The following DLGAP1 variants were observed in gnomAD, a reference collection of about 807,000 sequenced individuals.
The protein encoded by DLGAP1 is DLG associated protein 1.
A neutral mutation model predicts 90.8 loss-of-function variants in DLGAP1; 11 were observed. That is an observed-to-expected ratio of 0.12 (90% CI 0.08 to 0.20). DLGAP1 has a LOEUF of 0.20. Among genes scored for constraint, DLGAP1 ranks in the 10% least tolerant of loss-of-function variants. The probability of loss-of-function intolerance (pLI) is 1.00; values close to 1 mark genes in which losing one functional copy is unlikely to be tolerated. For synonymous variants in DLGAP1, 558 were observed against 540.7 expected (o/e 1.03, Z -0.44); for missense variants, 1,050 against 1,333.8 (o/e 0.79, Z 3.31).
intron 2 of DLGAP1, among the ~76,000 whole-genome samples, chr18:4,087,137 T>A (rs2075698552): frequency 6.7e-6 from 1 of 148,756 alleles, no homozygotes; most frequent in Admixed American, 6.7e-5. Context: ...TTCTGAGACA[T>A]ATATATATCT....
chr18:3,886,272 A>T (rs920125151), intron 3 of DLGAP1, among the ~76,000 whole-genome samples: 1 of 152,114 alleles, frequency 6.6e-6, no homozygotes, highest in African/African-American at 2.4e-5. Flanking sequence ...TGTCCTAAAA[A>T]TTTCTTTTTT....
chr18:4,406,048 G>A (rs563662993), intron 1 of DLGAP1, among the ~76,000 whole-genome samples: 4 of 152,270 alleles, frequency 2.6e-5, no homozygotes, highest in East Asian at 3.9e-4. Context: ...CTTGGTTTAC[G>A]CCCTATGTAA....
intron 3 of DLGAP1, among the ~76,000 whole-genome samples, chr18:4,003,204 G>A (rs2074232052): frequency 6.6e-6 from 1 of 152,174 alleles, no homozygotes; most frequent in Admixed American, 6.5e-5. Flanking sequence ...CTTCCCAGTT[G>A]GTTCTAACAG....
chr18:3,746,841 C>A (rs1714440073), intron 5 of DLGAP1, among the ~76,000 whole-genome samples: 1 of 152,150 alleles, frequency 6.6e-6, no homozygotes, highest in African/African-American at 2.4e-5. Context: ...TCCCTATATT[C>A]TAAGTGTCCT....
At chr18:3,747,906 T>C (rs1285005311) in intron 5 of DLGAP1, among the ~76,000 whole-genome samples, 1 of 152,216 alleles carries the variant, frequency 6.6e-6, no homozygotes, top group Non-Finnish European at 1.5e-5. Context: ...AAGGTTACTA[T>C]ATGCCCATGT....
intron 3 of DLGAP1, among the ~76,000 whole-genome samples, chr18:3,914,685 T>C (rs2072105479): frequency 2.0e-5 from 3 of 152,222 alleles, no homozygotes; most frequent in Admixed American, 1.3e-4. Flanking sequence ...CCACCAATAG[T>C]GTACAAGGGT....
intron 1 of DLGAP1, among the ~76,000 whole-genome samples, chr18:4,218,577 A>G (rs1312577511): frequency 2.0e-5 from 3 of 151,966 alleles, no homozygotes; most frequent in Admixed American, 1.3e-4. Flanking sequence ...CCTCCGATCT[A>G]AATTAAATTT....
At chr18:4,439,304 T>G (rs2083474473) in intron 1 of DLGAP1, among the ~76,000 whole-genome samples, 1 of 152,354 alleles carries the variant, frequency 6.6e-6, no homozygotes, top group East Asian at 1.9e-4. Context: ...AACCAAACCT[T>G]TAAATCCAGC....
chr18:3,975,804 G>A (rs754950816), intron 3 of DLGAP1, among the ~76,000 whole-genome samples: 18 of 152,288 alleles, frequency 1.2e-4, no homozygotes, highest in Non-Finnish European at 2.4e-4. Flanking sequence ...ATTGTGCAAA[G>A]TGAAATAAGC....
intron 3 of DLGAP1, chr18:3,896,551 A>T (rs1037860096): frequency 1.3e-5 from 2 of 152,256 alleles, no homozygotes; most frequent in African/African-American, 4.8e-5. Flanking sequence ...ACCATCAGGT[A>T]TGGATCAGTG....
At chr18:3,812,775 TC>T (rs1693422704) in intron 5 of DLGAP1, among the ~76,000 whole-genome samples, 2 of 152,224 alleles carry the variant, frequency 1.3e-5, no homozygotes, top group African/African-American at 4.8e-5. Context: ...TAAATTCCCA[TC>T]GCACAATAGT....
At chr18:3,659,445 A>ACC (rs61527537) in intron 7 of DLGAP1, among the ~76,000 whole-genome samples, 2,071 of 105,184 alleles carry the variant, frequency 0.02, 114 homozygotes, top group African/African-American at 0.076. Flanking sequence ...GGATGCTACC[A>ACC]CCCCCCGCCG....
chr18:3,953,211 A>G (rs2073022405), intron 3 of DLGAP1, among the ~76,000 whole-genome samples: 1 of 152,210 alleles, frequency 6.6e-6, no homozygotes, highest in African/African-American at 2.4e-5. Flanking sequence ...TTTAGGGGGT[A>G]TAAGCATAGG....
chr18:3,809,407 A>T (rs2066720874), intron 5 of DLGAP1, among the ~76,000 whole-genome samples: 1 of 152,202 alleles, frequency 6.6e-6, no homozygotes, highest in Admixed American at 6.5e-5. Flanking sequence ...AAACAAACAA[A>T]CAAAGGTTCA....
rs1319910633 is a variant in DLGAP1, at chr18:4,368,642, C to T, written c.-267+86364G>A. ...TCTCTCTCTCTCTCTCTCATACACA[C>T]ACACACACACACACACACACACACA... is the stretch of plus-strand genomic sequence containing the variant. On this transcript the variant is annotated intron_variant, in intron 1 of 12. Coordinates refer to ENST00000315677, the MANE Select transcript of DLGAP1 (RefSeq NM_004746.4). Among the ~76,000 whole-genome samples the T allele has an allele frequency of 1.6e-3, 25 of 15,156 alleles. No individual in the cohort carries two copies. The East Asian group carries it at 0.023, about 14-fold the overall frequency. The allele number at this position is 15,156 out of a possible 152,430, so 9.9% of individuals were successfully genotyped here.
intron 1 of DLGAP1, among the ~76,000 whole-genome samples, chr18:4,321,339 T>C (rs1032192170): frequency 2.6e-5 from 4 of 152,260 alleles, no homozygotes; most frequent in Non-Finnish European, 5.9e-5. Flanking sequence ...CTAGATTTTA[T>C]GATCATAGTA....
intron 4 of DLGAP1, among the ~76,000 whole-genome samples, chr18:3,830,401 T>A (rs1215218131): frequency 6.6e-6 from 1 of 152,048 alleles, no homozygotes; most frequent in African/African-American, 2.4e-5. Flanking sequence ...CCATCTCTAT[T>A]AAAGATACAA....
intron 3 of DLGAP1, among the ~76,000 whole-genome samples, chr18:3,958,340 A>G (rs1215128578): frequency 6.6e-6 from 1 of 151,996 alleles, no homozygotes; most frequent in Non-Finnish European, 1.5e-5. Context: ...AAAAACAACT[A>G]CAATAAGGAA....
intron 10 of DLGAP1, among the ~76,000 whole-genome samples, chr18:3,523,578 T>C (rs531349664): frequency 4.6e-5 from 7 of 151,984 alleles, no homozygotes; most frequent in Non-Finnish European, 7.4e-5. Context: ...CCAGGTGCGG[T>C]GGCTCACGCC....
Sources: allele counts gnomAD v4.1 joint callset (sites outside exome capture counted in the v4.1 genomes callset), GRCh38; gene constraint gnomAD v4.1.1; transcripts MANE v1.5; gene names NCBI Gene and HGNC (gene_info 2026-07-23, HGNC 2026-07-21).